The following VIRMA variants were observed in gnomAD, a reference collection of about 807,000 sequenced individuals.
The protein encoded by VIRMA is vir like m6A methyltransferase associated, also known as protein virilizer homolog.
Under a neutral mutation model 182.4 loss-of-function variants are expected in VIRMA, and 65 were observed. The ratio of observed to expected loss-of-function variants is 0.36; its 90% CI spans 0.29 to 0.44. VIRMA has a LOEUF of 0.44. VIRMA is among the 20% of genes least tolerant of loss of function. VIRMA has a pLI of 1.00. For missense variants in VIRMA, 1,752 were observed against 2,158.1 expected (o/e 0.81, Z 3.73); for synonymous variants, 709 against 743.1 (o/e 0.95, Z 0.75).
At chr8:94,517,431 G>A (rs542397681) in intron 10 of VIRMA, among the ~76,000 whole-genome samples, 1 of 152,318 alleles carries the variant, frequency 6.6e-6, no homozygotes, top group South Asian at 2.1e-4. Flanking sequence ...TTGAACTCCT[G>A]ACCTCAGGTG....
Position 94,511,467 on chromosome 8 carries a change from C to T in VIRMA, c.3108G>A (p.Ala1036=), listed in dbSNP as rs769930237. 7 of 1,614,068 alleles carry T rather than the reference C, an allele frequency of 4.3e-6. No individual in the cohort carries two copies. Among genetic ancestry groups the T allele is most frequent in the South Asian group, 2.2e-5 (2 of 91,072 alleles). Residue 1036 remains alanine, a synonymous_variant, in exon 13 of 24, where the codon GCG becomes GCA. Coordinates refer to ENST00000297591, the MANE Select transcript of VIRMA (RefSeq NM_015496.5). ...FEFKDMRVPS[A]LVTLHMLLCS... ...ACAGGAGCATATGTAAAGTAACAAGCGCTGAAGGAACACGCATGTCCTTAA... is the reference window on the plus strand; with the variant it reads ...ACAGGAGCATATGTAAAGTAACAAGTGCTGAAGGAACACGCATGTCCTTAA...
At chr8:94,529,389 G>A (rs768515451) in intron 6 of VIRMA, 47 bp from the exon 7 acceptor site, 8 of 1,128,774 alleles carry the variant, frequency 7.1e-6, no homozygotes, top group East Asian at 4.7e-5. Context: ...TGGTTTAAAT[G>A]ACAAAAGGCA....
At chr8:94,535,376 A>C (rs1815305821) in intron 4 of VIRMA, among the ~76,000 whole-genome samples, 1 of 152,270 alleles carries the variant, frequency 6.6e-6, no homozygotes, top group African/African-American at 2.4e-5. Flanking sequence ...GACCAAAAGC[A>C]CAAATGATGC....
At chr8:94,526,119 A>C (rs1445540915) in intron 8 of VIRMA, 104 bp downstream of exon 8, 1 of 806,466 alleles carries the variant, frequency 1.2e-6, no homozygotes, top group African/African-American at 1.7e-5. Flanking sequence ...GTATCCTTAC[A>C]CATAAATAAG....
At chr8:94,539,418 A>G (rs1815463010) in intron 2 of VIRMA, among the ~76,000 whole-genome samples, 2 of 152,216 alleles carry the variant, frequency 1.3e-5, no homozygotes, top group Non-Finnish European at 2.9e-5. Flanking sequence ...TTTAATTTGC[A>G]TTAGACTAAA....
rs547873755 is a variant in VIRMA at position 94,550,386 on chromosome 8, G to A, written c.63+2999C>T. On this transcript the variant is annotated intron_variant, in intron 1 of 23. Coordinates refer to ENST00000297591, the MANE Select transcript of VIRMA (RefSeq NM_015496.5). The stretch of plus-strand genomic sequence containing the variant: ...CGGCTCACTGCAAGCTCTGCCTCCC[G>A]GGTTCACGCCATTCTCCGGCCTCAG... Among the ~76,000 whole-genome samples the A allele has an allele frequency of 4.0e-5, 6 of 151,602 alleles. No individual in the cohort carries two copies. In the East Asian group the frequency reaches 1.2e-3, roughly 30 times the overall value.
At chr8:94,525,799 C>T (rs895391670) in intron 8 of VIRMA, among the ~76,000 whole-genome samples, 2 of 152,130 alleles carry the variant, frequency 1.3e-5, no homozygotes, top group African/African-American at 2.4e-5. Flanking sequence ...ACATCTTTAA[C>T]CAGCACTGTA....
chr8:94,489,947 C>T lies in VIRMA; in HGVS notation c.5276G>A (p.Ser1759Asn). ...RGPLPPLRPL[S>N]STGYRPSPRD... ...GTAGCAAGGATGTATACCTGTAGAA[C>T]TAAGGGGTCGTAATGGTGGAAGAGG... Residue 1759 changes from serine to asparagine, a missense_variant, in exon 23 of 24, where the codon AGT becomes AAT. Ser to Asn is a conservative substitution (Grantham distance 46). Coordinates refer to ENST00000297591, the MANE Select transcript of VIRMA (RefSeq NM_015496.5). The T allele has an allele frequency of 6.2e-7, 1 of 1,613,336 alleles. No individual in the cohort carries two copies. Among genetic ancestry groups the T allele is most frequent in the East Asian group, 2.2e-5 (1 of 44,872 alleles).
In VIRMA at chr8:94,543,859, G is replaced by A; in HGVS notation, c.147C>T (p.Ala49=). 1 of 1,610,842 alleles carries A rather than the reference G, an allele frequency of 6.2e-7. No homozygotes were observed. The change falls in exon 2 of 24, where the codon GCC becomes GCT. Residue 49 remains alanine (A), a synonymous_variant. Transcript: ENST00000297591. ...EVRVIPPGVR[A]HSSLPDNRAY... ...CTCTATTGTCTGGCAGACTGCTATG[G>A]GCTCTTACTCCTGGGGGTATGACTC...
At chr8:94,523,827 T>C (rs112040289) in intron 8 of VIRMA, among the ~76,000 whole-genome samples, 22,601 of 151,700 alleles carry the variant, frequency 0.15, 2,042 homozygotes, top group South Asian at 0.3. Context: ...CATCTCACTC[T>C]GTTGCCCAGG....
At chr8:94,529,988 T>C (rs185487344) in intron 6 of VIRMA, among the ~76,000 whole-genome samples, 6 of 152,096 alleles carry the variant, frequency 3.9e-5, no homozygotes, top group Admixed American at 3.9e-4. Flanking sequence ...AGGGTCTCCC[T>C]ATGTTGCCCA....
intron 11 of VIRMA, 39 bp downstream of exon 11, chr8:94,514,830 G>A: frequency 9.5e-7 from 1 of 1,047,432 alleles, no homozygotes; most frequent in African/African-American, 1.6e-5. Context: ...CTACCACACA[G>A]TTTCAAAAAG....
In VIRMA at chr8:94,519,332, C is replaced by A. The variant is rs528662844; in HGVS notation, c.2166G>T (p.Met722Ile). The change falls in exon 9 of 24, where the codon ATG (methionine) becomes ATT (isoleucine). Residue 722 changes from methionine to isoleucine, a missense_variant. By Grantham distance (10) the Met-to-Ile change is conservative (BLOSUM62 1). Transcript: ENST00000297591. ...ATAAATTTGTTGCTTCATATTCCGA[C>A]ATAAAAAAAAGAAGACCCTTCTGTG... The part of the protein sequence containing the change: ...AQSQKGLLFF[M>I]SEYEATNLLI... The A allele has an allele frequency of 1.5e-5, 24 of 1,605,214 alleles. No individual in the cohort carries two copies. In the African/African-American group the frequency reaches 2.8e-4, roughly 19 times the overall value.
At chr8:94,504,669 G>A (rs554908609) in intron 16 of VIRMA, among the ~76,000 whole-genome samples, 1 of 152,252 alleles carries the variant, frequency 6.6e-6, no homozygotes, top group South Asian at 2.1e-4. Flanking sequence ...TATTGCAATG[G>A]GCTATGCAAG....
At chr8:94,492,206 G>A (rs28436849) in intron 21 of VIRMA, among the ~76,000 whole-genome samples, 6,076 of 151,070 alleles carry the variant, frequency 0.04, 132 homozygotes, top group Middle Eastern at 0.053. Flanking sequence ...AAATTATTAC[G>A]TTTAAATTTA....
At position 94,512,021 on chromosome 8, in the gene VIRMA, A is replaced by G. The variant is rs1814397135; in HGVS notation, c.2820T>C (p.Val940=). 3 of 1,529,926 alleles carry G rather than the reference A, an allele frequency of 2.0e-6. No individual in the cohort carries two copies. The highest frequency in any genetic ancestry group is 1.7e-4 in the Middle Eastern group (1 of 5,764). The allele number at this position is 1,529,926 out of a possible 1,614,324, so 94.8% of individuals were successfully genotyped here. The change falls in exon 12 of 24, where the codon GTT becomes GTC. Residue 940 remains valine (V), a synonymous_variant. Coordinates refer to ENST00000297591, the MANE Select transcript of VIRMA (RefSeq NM_015496.5). ...CTTCAACAGGAGGTGGTGGGCATGCAACATTACAGAGAACACGTAAGGCAG... is the reference window on the plus strand; with the variant it reads ...CTTCAACAGGAGGTGGTGGGCATGCGACATTACAGAGAACACGTAAGGCAG... The part of the protein sequence containing the change: ...LTTALRVLCN[V]ACPPPPVEGQ...
At chr8:94,528,383 A>T (rs1258108173) in intron 7 of VIRMA, among the ~76,000 whole-genome samples, 1 of 152,084 alleles carries the variant, frequency 6.6e-6, no homozygotes, top group Non-Finnish European at 1.5e-5. Flanking sequence ...TAGCTATTTG[A>T]TATTTTTTAA....
intron 16 of VIRMA, among the ~76,000 whole-genome samples, chr8:94,501,869 A>C (rs1360032786): frequency 2.0e-5 from 3 of 152,200 alleles, no homozygotes; most frequent in Non-Finnish European, 4.4e-5. Flanking sequence ...AGTGCACGAA[A>C]TTTCCATGCA....
intron 16 of VIRMA, among the ~76,000 whole-genome samples, chr8:94,500,497 C>T (rs546979106): frequency 6.6e-6 from 1 of 152,180 alleles, no homozygotes; most frequent in Non-Finnish European, 1.5e-5. Context: ...AGTCATACTT[C>T]CGTGGTCTAT....
Sources: allele counts gnomAD v4.1 joint callset (sites outside exome capture counted in the v4.1 genomes callset), GRCh38; gene constraint gnomAD v4.1.1; transcripts MANE v1.5; gene names NCBI Gene and HGNC (gene_info 2026-07-23, HGNC 2026-07-21).